Variants in CACNA2D1 observed in about 807,000 individuals in gnomAD.
CACNA2D1 encodes the protein voltage-dependent calcium channel subunit alpha-2/delta-1.
In CACNA2D1, 53 loss-of-function variants were observed where a neutral mutation model predicts 171.5. The ratio of observed to expected loss-of-function variants is 0.31; its 90% confidence interval spans 0.25 to 0.39. The LOEUF is 0.39. Ranked by LOEUF, CACNA2D1 falls within the 10% of genes least tolerant of loss-of-function variation. The probability of loss-of-function intolerance (pLI) is 1.00; values close to 1 mark genes in which losing one functional copy is unlikely to be tolerated. For synonymous variants in CACNA2D1, 442 were observed against 443.1 expected, an observed-to-expected ratio of 1.00 and a Z score of 0.03; for missense variants, 903 against 1,299.8, an observed-to-expected ratio of 0.69 and a Z score of 4.69.
At chr7:82,016,324 C>A (rs1336335639) in intron 12 of CACNA2D1, among the ~76,000 whole-genome samples, 1 of 152,104 alleles carries the variant, frequency 6.6e-6, no homozygotes, top group African/African-American at 2.4e-5. Context: ...CTCCAGGAAG[C>A]ACTGGGGGAT....
chr7:82,010,428 AC>A (rs1254445017), intron 15 of CACNA2D1, among the ~76,000 whole-genome samples: 1 of 151,718 alleles, frequency 6.6e-6, no homozygotes, highest in Non-Finnish European at 1.5e-5. Flanking sequence ...CACATTTAGA[AC>A]CAACATTTCC....
intron 3 of CACNA2D1, among the ~76,000 whole-genome samples, chr7:82,332,524 A>AAGAGAG (rs3054695): frequency 1.4e-5 from 2 of 139,834 alleles, no homozygotes; most frequent in Admixed American, 6.9e-5. Context: ...GAAAGAAAGA[A>AAGAGAG]AGAAAGAAAG....
intron 3 of CACNA2D1, among the ~76,000 whole-genome samples, chr7:82,269,607 A>C (rs1808354629): frequency 1.3e-5 from 2 of 152,030 alleles, no homozygotes; most frequent in Non-Finnish European, 2.9e-5. Flanking sequence ...TTTATTTGAC[A>C]ATTTTCCCCA....
chr7:82,253,546 T>G (rs545993114), intron 3 of CACNA2D1, among the ~76,000 whole-genome samples: 19 of 152,300 alleles, frequency 1.2e-4, no homozygotes, highest in Admixed American at 7.2e-4. Flanking sequence ...CCAATAAATA[T>G]TTTGATACAC....
At chr7:82,178,860 C>G (rs1796821144) in intron 3 of CACNA2D1, among the ~76,000 whole-genome samples, 1 of 152,198 alleles carries the variant, frequency 6.6e-6, no homozygotes, top group African/African-American at 2.4e-5. Context: ...GCAGTTCTTT[C>G]ACATCTGCGC....
intron 1 of CACNA2D1, among the ~76,000 whole-genome samples, chr7:82,423,013 T>G (rs1828857692): frequency 6.6e-6 from 1 of 152,124 alleles, no homozygotes; most frequent in Admixed American, 6.5e-5. Flanking sequence ...TGAACCAAAC[T>G]TAAATGACAC....
intron 6 of CACNA2D1, among the ~76,000 whole-genome samples, chr7:82,095,564 ATAGC>A (rs1383088463): frequency 1.3e-5 from 2 of 152,318 alleles, no homozygotes; most frequent in African/African-American, 4.8e-5. Context: ...ATTATGTACA[ATAGC>A]TAGGGTTGTG....
At chr7:82,066,666 T>A in intron 7 of CACNA2D1, 142 bp from the exon 8 acceptor site, 1 of 1,262,364 alleles carries the variant, frequency 7.9e-7, no homozygotes, top group Non-Finnish European at 1.1e-6. Context: ...ATATCATTTT[T>A]AAGCCCTTAT....
rs555282063 is a variant in CACNA2D1 at position 82,277,198 on chromosome 7, C to T, written c.294+57937G>A. Among the ~76,000 whole-genome samples the T allele has an allele frequency of 1.4e-4, 22 of 151,996 alleles. No individual in the cohort carries two copies. In the South Asian group the frequency reaches 2.5e-3, roughly 17 times the overall value. ...TAACTCTTATTTGAATATTTAATTG[C>T]GTTTTGCCTTTTCTTTTGGAGGGGG... is the stretch of plus-strand genomic sequence containing the variant. On this transcript the variant is annotated intron_variant, in intron 3 of 38. Coordinates refer to ENST00000356860, the MANE Select transcript of CACNA2D1 (RefSeq NM_000722.4).
chr7:82,319,747 G>T (rs922931662), intron 3 of CACNA2D1, among the ~76,000 whole-genome samples: 21 of 152,108 alleles, frequency 1.4e-4, no homozygotes, highest in African/African-American at 5.1e-4. Context: ...AACAATCAGG[G>T]GTGACTGGTT....
chr7:82,328,482 A>G (rs374906030), intron 3 of CACNA2D1, among the ~76,000 whole-genome samples: 1 of 152,032 alleles, frequency 6.6e-6, no homozygotes. Flanking sequence ...TGCTCTCCCA[A>G]ATCTTCAACA....
At chr7:82,398,909 A>C (rs1466820050) in intron 1 of CACNA2D1, among the ~76,000 whole-genome samples, 2 of 147,504 alleles carry the variant, frequency 1.4e-5, no homozygotes, top group Non-Finnish European at 3.0e-5. Flanking sequence ...CCTTCCTTCT[A>C]CCCTTCTTTC....
At chr7:82,230,003 A>C (rs1188838942) in intron 3 of CACNA2D1, among the ~76,000 whole-genome samples, 2 of 152,202 alleles carry the variant, frequency 1.3e-5, no homozygotes, top group African/African-American at 4.8e-5. Flanking sequence ...ATTTTTATCT[A>C]TTCATGTAAT....
At chr7:82,213,819 T>C (rs1393313160) in intron 3 of CACNA2D1, among the ~76,000 whole-genome samples, 2 of 152,118 alleles carry the variant, frequency 1.3e-5, no homozygotes, top group African/African-American at 2.4e-5. Context: ...TCTGTGTACC[T>C]GGAATTCCCT....
At chr7:82,301,107 C>G (rs1292961018) in intron 3 of CACNA2D1, among the ~76,000 whole-genome samples, 1 of 152,082 alleles carries the variant, frequency 6.6e-6, no homozygotes, top group Non-Finnish European at 1.5e-5. Flanking sequence ...GGTTTGCTAT[C>G]TTTTTTTAAT....
At chr7:82,049,276 T>C (rs1371369346) in intron 10 of CACNA2D1, among the ~76,000 whole-genome samples, 1 of 152,116 alleles carries the variant, frequency 6.6e-6, no homozygotes, top group Non-Finnish European at 1.5e-5. Context: ...AAAGGTCCCA[T>C]CTTTACCTAA....
chr7:82,194,499 C>T (rs1798656589), intron 3 of CACNA2D1, among the ~76,000 whole-genome samples: 1 of 151,870 alleles, frequency 6.6e-6, no homozygotes, highest in South Asian at 2.1e-4. Flanking sequence ...TAGTGGATCT[C>T]ACATCCACTT....
At chr7:81,964,619 C>G (rs921565851) in intron 32 of CACNA2D1, among the ~76,000 whole-genome samples, 6 of 151,868 alleles carry the variant, frequency 4.0e-5, no homozygotes, top group African/African-American at 1.4e-4. Flanking sequence ...AGCATTAAAT[C>G]ACAATCAAAT....
chr7:82,251,631 C>T (rs1451357058), intron 3 of CACNA2D1, among the ~76,000 whole-genome samples: 1 of 152,020 alleles, frequency 6.6e-6, no homozygotes, highest in Non-Finnish European at 1.5e-5. Flanking sequence ...TGCTTTTTTC[C>T]GTTGCTTTTC....
Sources: allele counts gnomAD v4.1 joint callset (sites outside exome capture counted in the v4.1 genomes callset), GRCh38; gene constraint gnomAD v4.1.1; transcripts MANE v1.5; gene names NCBI Gene and HGNC (gene_info 2026-07-23, HGNC 2026-07-21).